Variants in MACROD2 observed in about 807,000 individuals in gnomAD.
MACROD2 encodes the protein ADP-ribose glycohydrolase MACROD2.
In MACROD2, 36 loss-of-function variants were observed where a neutral mutation model predicts 70.4. The ratio of observed to expected loss-of-function variants is 0.51; its 90% CI spans 0.39 to 0.68. The LOEUF (loss-of-function observed/expected upper bound fraction) is 0.68, where lower values mean the gene tolerates loss of function less well. Among genes scored for constraint, MACROD2 ranks in the 30% least tolerant of loss-of-function variants. The pLI is 0.00. For synonymous variants in MACROD2, 172 were observed against 178.8 expected, an observed-to-expected ratio of 0.96 and a Z score of 0.30; for missense variants, 496 against 538.4, an observed-to-expected ratio of 0.92 and a Z score of 0.78.
chr20:14,136,946 G>T (rs893967566), intron 3 of MACROD2, among the ~76,000 whole-genome samples: 9 of 152,060 alleles, frequency 5.9e-5, no homozygotes, highest in African/African-American at 2.2e-4. Flanking sequence ...TTAATAGCTA[G>T]AACTGTTGGT....
At chr20:14,882,486 T>C (rs2073621164) in intron 5 of MACROD2, among the ~76,000 whole-genome samples, 1 of 152,200 alleles carries the variant, frequency 6.6e-6, no homozygotes, top group Non-Finnish European at 1.5e-5. Flanking sequence ...ACTCAGTTTG[T>C]GACACACAAA....
chr20:15,973,820 C>CA (rs1392977429), intron 13 of MACROD2, among the ~76,000 whole-genome samples: 2 of 152,008 alleles, frequency 1.3e-5, no homozygotes, highest in Admixed American at 6.6e-5. Context: ...AGAAGTCTAG[C>CA]AAAAAAATCT....
chr20:15,594,680 C>T (rs1412617854), intron 8 of MACROD2, among the ~76,000 whole-genome samples: 2 of 152,132 alleles, frequency 1.3e-5, no homozygotes, highest in Non-Finnish European at 2.9e-5. Flanking sequence ...AATGTTAACT[C>T]CTAACTTTAA....
rs937390862 is a variant in MACROD2, at chr20:15,543,790, C to CT, written c.645+43944dup. 1.5e-4 allele frequency among the ~76,000 whole-genome samples: 23 copies of CT among 152,190 alleles called. 1 individual carries two copies. Among genetic ancestry groups the CT allele is most frequent in the Non-Finnish European group, 2.8e-4 (19 of 68,044 alleles). ...TGGAAGTCAGCTGGTCATTGACTGA[C>CT]TAAGGCTAGGTCTGGCCAGGCCAAC... is the stretch of plus-strand genomic sequence containing the variant. On this transcript the variant is annotated intron_variant, in intron 8 of 17. Transcript: ENST00000684519.
intron 5 of MACROD2, among the ~76,000 whole-genome samples, chr20:15,172,561 T>G (rs1276895784): frequency 1.3e-5 from 2 of 150,998 alleles, no homozygotes; most frequent in South Asian, 4.2e-4. Flanking sequence ...TACTGTTTTG[T>G]TTTTTTTTCT....
At chr20:15,081,914 A>G (rs969333312) in intron 5 of MACROD2, among the ~76,000 whole-genome samples, 5 of 152,194 alleles carry the variant, frequency 3.3e-5, no homozygotes, top group African/African-American at 4.8e-5. Flanking sequence ...CCAAACATAT[A>G]TAACTATTAC....
chr20:14,115,534 G>A (rs1198688256), intron 3 of MACROD2, among the ~76,000 whole-genome samples: 1 of 152,140 alleles, frequency 6.6e-6, no homozygotes, highest in Non-Finnish European at 1.5e-5. Context: ...AGGCTTTCTT[G>A]TTTTTCCTTT....
chr20:15,745,706 A>G lies in MACROD2; in HGVS notation c.646-117039A>G, dbSNP rs866121313. 4.6e-5 allele frequency among the ~76,000 whole-genome samples: 7 copies of G among 152,308 alleles called. No individual in the cohort carries two copies. In the South Asian group the frequency reaches 1.4e-3, roughly 32 times the overall value. ...ATATTGTCGTCTAATTATTTTAGGT[A>G]TTTAATCCACTTAGTATCCACATCA... is the stretch of plus-strand genomic sequence containing the variant. On this transcript the variant is annotated intron_variant, in intron 8 of 17. Coordinates refer to ENST00000684519, the MANE Select transcript of MACROD2 (RefSeq NM_001351661.2).
chr20:14,515,167 T>G (rs2085077347), intron 4 of MACROD2, among the ~76,000 whole-genome samples: 1 of 152,092 alleles, frequency 6.6e-6, no homozygotes, highest in South Asian at 2.1e-4. Flanking sequence ...GTGTTATTTA[T>G]CATGTAAGAT....
At chr20:14,015,873 A>C (rs759775903) in intron 2 of MACROD2, among the ~76,000 whole-genome samples, 9 of 152,334 alleles carry the variant, frequency 5.9e-5, no homozygotes, top group Middle Eastern at 3.4e-3. Context: ...TTATCCATTT[A>C]ACTGTTGGAT....
chr20:15,078,744 T>C (rs2075679618), intron 5 of MACROD2, among the ~76,000 whole-genome samples: 1 of 151,730 alleles, frequency 6.6e-6, no homozygotes, highest in Admixed American at 6.6e-5. Flanking sequence ...ACTCCTGGGT[T>C]CAAGCGATTC....
At chr20:14,537,911 G>C (rs962654557) in intron 4 of MACROD2, among the ~76,000 whole-genome samples, 1 of 152,096 alleles carries the variant, frequency 6.6e-6, no homozygotes. Flanking sequence ...ATCCGATGCA[G>C]CTCCTTACTA....
chr20:15,553,177 T>C (rs2048121393), intron 8 of MACROD2, among the ~76,000 whole-genome samples: 1 of 152,176 alleles, frequency 6.6e-6, no homozygotes, highest in Non-Finnish European at 1.5e-5. Flanking sequence ...GAACCCCTAC[T>C]AGGTGCCAGG....
At chr20:14,605,824 A>C (rs1982764137) in intron 4 of MACROD2, among the ~76,000 whole-genome samples, 1 of 152,146 alleles carries the variant, frequency 6.6e-6, no homozygotes, top group East Asian at 1.9e-4. Context: ...AAAATCCTTG[A>C]GATACATTAA....
intron 5 of MACROD2, among the ~76,000 whole-genome samples, chr20:14,804,370 A>G (rs1231607272): frequency 3.3e-5 from 5 of 152,046 alleles, no homozygotes; most frequent in Non-Finnish European, 7.4e-5. Flanking sequence ...AGTTGTGCAC[A>G]TTGACTTTTC....
At chr20:15,521,293 TAAAG>T (rs1206069006) in intron 8 of MACROD2, among the ~76,000 whole-genome samples, 1 of 152,200 alleles carries the variant, frequency 6.6e-6, no homozygotes, top group Non-Finnish European at 1.5e-5. Context: ...CCATTAATAA[TAAAG>T]ACATTCTAGA....
At chr20:15,603,661 T>C (rs2048855132) in intron 8 of MACROD2, among the ~76,000 whole-genome samples, 2 of 152,172 alleles carry the variant, frequency 1.3e-5, no homozygotes, top group Admixed American at 1.3e-4. Context: ...TTTTCACCTT[T>C]TACCATTTGT....
chr20:15,742,397 C>T (rs746373319), intron 8 of MACROD2, among the ~76,000 whole-genome samples: 20 of 152,308 alleles, frequency 1.3e-4, no homozygotes, highest in Middle Eastern at 3.4e-3. Context: ...TTCCCTCAAT[C>T]TGGATGTTTC....
intron 3 of MACROD2, among the ~76,000 whole-genome samples, chr20:14,355,006 G>T (rs2083159308): frequency 6.6e-6 from 1 of 152,140 alleles, no homozygotes; most frequent in Non-Finnish European, 1.5e-5. Context: ...TGGTGTATAT[G>T]TACCACATTC....
Sources: allele counts gnomAD v4.1 joint callset (sites outside exome capture counted in the v4.1 genomes callset), GRCh38; gene constraint gnomAD v4.1.1; transcripts MANE v1.5; gene names NCBI Gene and HGNC (gene_info 2026-07-23, HGNC 2026-07-21).